Variants in SLC30A8 observed in about 807,000 individuals in gnomAD.
The protein encoded by SLC30A8 is solute carrier family 30 member 8.
SLC30A8 carries 27 observed loss-of-function variants against 36.9 expected under a neutral mutation model. The ratio of observed to expected loss-of-function variants is 0.73; its 90% CI spans 0.54 to 1.01. The LOEUF (loss-of-function observed/expected upper bound fraction) is 1.01, where lower values mean the gene tolerates loss of function less well. Ranked by LOEUF, SLC30A8 falls within the 50% of genes least tolerant of loss-of-function variation. SLC30A8 has a pLI of 0.00. For synonymous variants in SLC30A8, 164 were observed against 172.4 expected (o/e 0.95, Z 0.38); for missense variants, 439 against 452.0 (o/e 0.97, Z 0.26).
intron 2 of SLC30A8, among the ~76,000 whole-genome samples, chr8:117,100,196 A>G (rs903925008): frequency 1.3e-4 from 20 of 152,310 alleles, no homozygotes; most frequent in African/African-American, 4.3e-4. Context: ...CTTTACATAT[A>G]TATCATTTAG....
intron 2 of SLC30A8, among the ~76,000 whole-genome samples, chr8:117,107,299 A>T (rs1820036821): frequency 1.3e-5 from 2 of 152,198 alleles, no homozygotes; most frequent in African/African-American, 4.8e-5. Context: ...TGAAGCACTC[A>T]AAGTTTGCTT....
intron 1 of SLC30A8, among the ~76,000 whole-genome samples, chr8:117,020,207 T>G (rs1471660898): frequency 1.3e-5 from 2 of 152,162 alleles, no homozygotes; most frequent in Non-Finnish European, 2.9e-5. Context: ...AGCCCTACAT[T>G]TGGCTACAAA....
chr8:117,147,223 C>G (rs1821943036), intron 2 of SLC30A8, 70 bp downstream of exon 2: 2 of 1,337,120 alleles, frequency 1.5e-6, no homozygotes, highest in Non-Finnish European at 2.1e-6. Flanking sequence ...GGAGGGTTAC[C>G]TAAGTTCTTA....
intron 1 of SLC30A8, among the ~76,000 whole-genome samples, chr8:116,978,525 A>G (rs1299909204): frequency 6.6e-6 from 1 of 152,202 alleles, no homozygotes; most frequent in East Asian, 1.9e-4. Context: ...AACTGAGGAT[A>G]AAAATGCACG....
At chr8:117,096,812 A>G (rs1029870797) in intron 2 of SLC30A8, among the ~76,000 whole-genome samples, 7 of 152,152 alleles carry the variant, frequency 4.6e-5, no homozygotes, top group Non-Finnish European at 1.0e-4. Context: ...GATTTTTCTT[A>G]GCAACATTTT....
Position 117,145,249 on chromosome 8 carries a change from T to C in SLC30A8, c.72-1705T>C, listed in dbSNP as rs538474759. Among the ~76,000 whole-genome samples the C allele has an allele frequency of 1.2e-3, 178 of 152,242 alleles. 3 individuals carry two copies. Among genetic ancestry groups the C allele is most frequent in the South Asian group, 6.8e-3 (33 of 4,824 alleles). Reference sequence around the variant, plus strand: ...ATAACCTAAAGCATCCTAATTAATATGGAATCTAATTATGTAAAAAATATA... The same window carrying C: ...ATAACCTAAAGCATCCTAATTAATACGGAATCTAATTATGTAAAAAATATA... On this transcript the variant is annotated intron_variant, in intron 1 of 7. Coordinates refer to ENST00000456015, the MANE Select transcript of SLC30A8 (RefSeq NM_173851.3).
In SLC30A8 at chr8:117,157,543, A is replaced by G. The variant is rs1381505391; in HGVS notation, c.419-148A>G. 1.1e-5 allele frequency: 9 copies of G among 800,326 alleles called. No individual in the cohort carries two copies. In the East Asian group the frequency reaches 1.7e-4, roughly 16 times the overall value. 49.6% of individuals were successfully genotyped at this position (800,326 alleles called of 1,614,324 possible). ...ATACTTTCTCTTAGTTTTAAAATCC[A>G]TCCACACTTTTACTTTGTGAATCAC... On this transcript the variant is annotated intron_variant, in intron 3 of 7. Transcript: ENST00000456015.
Position 117,053,502 on chromosome 8 carries a change from G to A in SLC30A8, c.-226+14244G>A, listed in dbSNP as rs878917121. On this transcript the variant is annotated intron_variant, in intron 2 of 10. Transcript: ENST00000427715. The stretch of plus-strand genomic sequence containing the variant: ...ATCCTGGGATGCATCTGTATGGATG[G>A]AAGAACCATTTCCTGGATGTCTGAG... 1.3e-5 allele frequency among the ~76,000 whole-genome samples: 2 copies of A among 152,158 alleles called. 1 individual carries two copies. Among genetic ancestry groups the A allele is most frequent in the South Asian group, 4.1e-4 (2 of 4,828 alleles).
upstream of SLC30A8, among the ~76,000 whole-genome samples, chr8:117,132,202 A>G (rs1013918242): frequency 4.6e-5 from 7 of 152,064 alleles, no homozygotes; most frequent in Non-Finnish European, 1.0e-4. Context: ...ATCTAGGGAT[A>G]ATGATGGTAG....
chr8:117,108,673 C>T (rs1820100768), intron 2 of SLC30A8, among the ~76,000 whole-genome samples: 1 of 152,220 alleles, frequency 6.6e-6, no homozygotes, highest in Non-Finnish European at 1.5e-5. Flanking sequence ...GAGGACTTCA[C>T]ATGTTGCTGG....
At chr8:117,145,347 TC>T (rs1380196632) in intron 1 of SLC30A8, among the ~76,000 whole-genome samples, 10 of 151,950 alleles carry the variant, frequency 6.6e-5, no homozygotes, top group African/African-American at 2.4e-4. Flanking sequence ...CAGTTATTTT[TC>T]CCTCTACTTT....
At chr8:117,150,521 G>T (rs751362583) in intron 2 of SLC30A8, among the ~76,000 whole-genome samples, 1 of 152,200 alleles carries the variant, frequency 6.6e-6, no homozygotes, top group East Asian at 1.9e-4. Context: ...TGCACATCTT[G>T]TCAAGTATTC....
chr8:117,170,885 TA>T, intron 6 of SLC30A8, 148 bp from the exon 7 acceptor site: 1 of 640,332 alleles, frequency 1.6e-6, no homozygotes, highest in South Asian at 2.5e-5. Flanking sequence ...AGTAGTCAGG[TA>T]AATCTTATTT....
intron 2 of SLC30A8, among the ~76,000 whole-genome samples, chr8:117,087,773 A>T (rs1818939265): frequency 6.6e-6 from 1 of 152,104 alleles, no homozygotes; most frequent in Non-Finnish European, 1.5e-5. Flanking sequence ...CCATACTTCT[A>T]GGCAGATCTA....
intron 2 of SLC30A8, among the ~76,000 whole-genome samples, chr8:117,079,642 T>C (rs1452135338): frequency 6.6e-6 from 1 of 152,130 alleles, no homozygotes; most frequent in Non-Finnish European, 1.5e-5. Context: ...GATGGGTACT[T>C]CTGGAAAAAG....
intron 2 of SLC30A8, among the ~76,000 whole-genome samples, chr8:117,088,223 T>C (rs953511584): frequency 7.9e-5 from 12 of 152,178 alleles, no homozygotes; most frequent in Admixed American, 7.9e-4. Flanking sequence ...GAAGACCCCC[T>C]GACCCTATGA....
chr8:116,987,543 T>C (rs1313495040), intron 1 of SLC30A8, among the ~76,000 whole-genome samples: 1 of 152,098 alleles, frequency 6.6e-6, no homozygotes, highest in African/African-American at 2.4e-5. Context: ...TATTCTTCTT[T>C]CAAGTCTTGA....
chr8:117,057,191 T>A (rs1237437710), intron 2 of SLC30A8, among the ~76,000 whole-genome samples: 1 of 152,132 alleles, frequency 6.6e-6, no homozygotes, highest in African/African-American at 2.4e-5. Flanking sequence ...CCTCACAAAG[T>A]GGAAAGGACA....
At chr8:116,993,385 A>G (rs528104816) in intron 1 of SLC30A8, among the ~76,000 whole-genome samples, 2 of 152,218 alleles carry the variant, frequency 1.3e-5, no homozygotes, top group South Asian at 4.1e-4. Flanking sequence ...CAGAATCAAG[A>G]TGATTTGTTT....
Sources: gnomAD v4.1 joint callset for allele counts (sites outside exome capture counted in the v4.1 genomes callset) on GRCh38, gnomAD v4.1.1 for gene constraint, MANE v1.5 for transcripts, NCBI Gene and HGNC (gene_info 2026-07-23, HGNC 2026-07-21) for gene names.